Variants in S100A16 observed in about 807,000 individuals in gnomAD.
S100A16 encodes S100 calcium binding protein A16, also known as protein S100-A16.
Under a neutral mutation model 9.0 loss-of-function variants are expected in S100A16, and 8 were observed. The ratio of observed to expected loss-of-function variants is 0.89; its 90% CI spans 0.52 to 1.60. S100A16 has a LOEUF of 1.60. Among genes scored for constraint, S100A16 ranks in the 40% most tolerant of loss-of-function variants. The pLI, the probability that S100A16 is intolerant of heterozygous loss-of-function variation, is 0.00. For synonymous variants in S100A16, 51 were observed against 51.4 expected (o/e 0.99, Z 0.04); for missense variants, 138 against 132.4 (o/e 1.04, Z -0.21).
Position 153,606,954 on chromosome 1 carries a change from C to G in S100A16, c.*580G>C, listed in dbSNP as rs758117933. On this transcript the variant is annotated 3_prime_UTR_variant, in exon 3 of 3. Coordinates refer to ENST00000368706, the MANE Select transcript of S100A16 (RefSeq NM_080388.3). ...CAGGGGATACAAACTCCAAATCCAG[C>G]CTTTATATCATCATTATTTCAAGCA... 1 of 241,744 alleles carries G rather than the reference C, an allele frequency of 4.1e-6. No individual in the cohort carries two copies. Among genetic ancestry groups the G allele is most frequent in the Non-Finnish European group, 8.4e-6 (1 of 118,522 alleles). The allele number at this position is 241,744 out of a possible 1,614,324, so 15.0% of individuals were successfully genotyped here. A position where few individuals can be genotyped will look rare whatever the true frequency, so the allele number is the denominator to read the frequency against.
In S100A16 at chr1:153,608,047, C is replaced by T; in HGVS notation, c.105G>A (p.Lys35=). 1 of 1,614,104 alleles carries T rather than the reference C, an allele frequency of 6.2e-7. No homozygotes were observed. Among genetic ancestry groups the T allele is most frequent in the East Asian group, 2.2e-5 (1 of 44,880 alleles). Residue 35 remains lysine (K), a synonymous_variant, in exon 2 of 3, where the codon AAG becomes AAA. Transcript: ENST00000368706. The part of the protein sequence containing the change: ...KYSLVKNKIS[K]SSFREMLQKE... Reference sequence around the variant, plus strand: ...TCTGGAGCATCTCGCGGAAGCTGCTCTTGCTGATCTTGTTCTTGACCAGGC... The same window carrying T: ...TCTGGAGCATCTCGCGGAAGCTGCTTTTGCTGATCTTGTTCTTGACCAGGC...
chr1:153,607,424 G>A lies in S100A16; in HGVS notation c.*110C>T. On this transcript the variant is annotated 3_prime_UTR_variant, in exon 3 of 3. Transcript: ENST00000368706. Reference sequence around the variant, plus strand: ...CAAGGGTCAGAGGAAGGTCTGGAGGGAGAAGAGAGTAAAGGGCCCTGGGTG... The same window carrying A: ...CAAGGGTCAGAGGAAGGTCTGGAGGAAGAAGAGAGTAAAGGGCCCTGGGTG... The A allele has an allele frequency of 7.8e-7, 1 of 1,285,842 alleles. No individual in the cohort carries two copies. The highest frequency in any genetic ancestry group is 1.1e-6 in the Non-Finnish European group (1 of 903,812). The allele number at this position is 1,285,842 out of a possible 1,614,324, so 79.7% of individuals were successfully genotyped here. A position where few individuals can be genotyped will look rare whatever the true frequency, so the allele number is the denominator to read the frequency against.
In S100A16 at chr1:153,607,329, C is replaced by T. The variant is rs946908835; in HGVS notation, c.*205G>A. On this transcript the variant is annotated 3_prime_UTR_variant, in exon 3 of 3. Transcript: ENST00000368706. The stretch of plus-strand genomic sequence containing the variant: ...GAGGGGCCCCAAGGGCCTGCGACTC[C>T]AGGAGCTGAGACCCCCCAGGGAGGG... 11 of 646,562 alleles carry T rather than the reference C, an allele frequency of 1.7e-5. No homozygotes were observed. The highest frequency in any genetic ancestry group is 4.0e-5 in the South Asian group (2 of 50,154). The allele number at this position is 646,562 out of a possible 1,614,324, so 40.1% of individuals were successfully genotyped here.
At position 153,608,085 on chromosome 1, in the gene S100A16, C is replaced by T; in HGVS notation, c.67G>A (p.Val23Met). 6.2e-7 allele frequency: 1 copy of T among 1,614,068 alleles called. No homozygotes were observed. Among genetic ancestry groups the T allele is most frequent in the Non-Finnish European group, 8.5e-7 (1 of 1,179,952 alleles). ...TTCTTGACCAGGCTGTACTTAGACA[C>T]ATATTTGTAGAAGTTTTCCACCAGG... ...IVLVENFYKY[V>M]SKYSLVKNKI... The change falls in exon 2 of 3, where the codon GTG becomes ATG. Residue 23 changes from valine to methionine, a missense_variant. Physicochemically the swap from Val to Met is conservative, Grantham distance 21. Coordinates refer to ENST00000368706, the MANE Select transcript of S100A16 (RefSeq NM_080388.3).
intron 1 of S100A16, among the ~76,000 whole-genome samples, chr1:153,608,684 C>G (rs1239485564): frequency 6.6e-6 from 1 of 152,218 alleles, no homozygotes; most frequent in East Asian, 1.9e-4. Context: ...AAGATGTAGG[C>G]CTTCCCCAAT....
At chr1:153,611,917 T>TCACACACACACA (rs55729519) in intron 1 of S100A16, among the ~76,000 whole-genome samples, 3,656 of 140,788 alleles carry the variant, frequency 0.026, 89 homozygotes, top group East Asian at 0.063. Context: ...TGTCTCTCTC[T>TCACACACACACA]CACACACACA....
chr1:153,612,695 G>A (rs1230651707), intron 1 of S100A16, among the ~76,000 whole-genome samples: 4 of 152,078 alleles, frequency 2.6e-5, no homozygotes, highest in African/African-American at 7.2e-5. Context: ...GAGGAGCTCC[G>A]TCAGCTGCTG....
chr1:153,609,348 T>G (rs1236630651), intron 1 of S100A16: 2 of 986,030 alleles, frequency 2.0e-6, no homozygotes, highest in Non-Finnish European at 1.2e-6. Context: ...CCTACTCCCA[T>G]GCCGGCTGCC....
At chr1:153,612,540 T>C in intron 1 of S100A16, among the ~76,000 whole-genome samples, 1 of 151,780 alleles carries the variant, frequency 6.6e-6, no homozygotes, top group Non-Finnish European at 1.5e-5. Context: ...CCCCATCACC[T>C]CCCCTAGGAC....
intron 1 of S100A16, among the ~76,000 whole-genome samples, chr1:153,611,908 G>GTC (rs756157977): frequency 0.033 from 3,477 of 104,764 alleles, 66 homozygotes; most frequent in Non-Finnish European, 0.044. Flanking sequence ...AACTCTCTTT[G>GTC]TCTCTCTCTC....
At chr1:153,608,233 C>T (rs1334295696) in intron 1 of S100A16, 56 bp from the exon 2 acceptor site, 1 of 1,474,392 alleles carries the variant, frequency 6.8e-7, no homozygotes, top group East Asian at 2.3e-5. Context: ...ATACCTCCTC[C>T]TCCTCCACAC....
intron 1 of S100A16, among the ~76,000 whole-genome samples, chr1:153,611,419 G>A (rs2101515774): frequency 6.6e-6 from 1 of 151,978 alleles, no homozygotes; most frequent in East Asian, 1.9e-4. Context: ...TGTGTCCCTA[G>A]ACTCCTGTCC....
intron 1 of S100A16, chr1:153,609,182 C>T (rs1373199186): frequency 4.9e-5 from 48 of 985,368 alleles, no homozygotes; most frequent in South Asian, 2.8e-4. Flanking sequence ...CCTCACCCGG[C>T]GGGTCCTGGT....
Position 153,606,897 on chromosome 1 carries a change from T to A in S100A16, c.*637A>T. 5.7e-6 allele frequency: 1 copy of A among 174,918 alleles called. No individual in the cohort carries two copies. Among genetic ancestry groups the A allele is most frequent in the Non-Finnish European group, 1.2e-5 (1 of 82,626 alleles). The allele number at this position is 174,918 out of a possible 1,614,324, so 10.8% of individuals were successfully genotyped here. A position where few individuals can be genotyped will look rare whatever the true frequency, so the allele number is the denominator to read the frequency against. ...CAAAGCATAAAACGTTTCCAAGGAG[T>A]GGGAAGGTTTTAATGAGCATCCCAG... On this transcript the variant is annotated 3_prime_UTR_variant, in exon 3 of 3. Coordinates refer to ENST00000368706, the MANE Select transcript of S100A16 (RefSeq NM_080388.3).
intron 1 of S100A16, chr1:153,608,775 A>G: frequency 6.7e-6 from 2 of 300,108 alleles, no homozygotes; most frequent in Non-Finnish European, 9.8e-6. Context: ...GTCCAGATCA[A>G]TTGGATCAGA....
intron 1 of S100A16, among the ~76,000 whole-genome samples, chr1:153,608,500 G>A (rs1666755949): frequency 6.6e-6 from 1 of 152,202 alleles, no homozygotes; most frequent in African/African-American, 2.4e-5. Flanking sequence ...AGGCTCTCAT[G>A]GGAAGAGAAG....
chr1:153,607,550 T>G lies in S100A16; in HGVS notation c.296A>C (p.Gln99Pro). 2 of 1,614,228 alleles carry G rather than the reference T, an allele frequency of 1.2e-6. No homozygotes were observed. Among genetic ancestry groups the G allele is most frequent in the Non-Finnish European group, 1.7e-6 (2 of 1,180,030 alleles). ...PIAKLIHEQE[Q>P]QSSS ...AAGGGGTCTCTAGCTGCTGCTCTGC[T>G]GCTCCTGCTCATGGATGAGTTTGGC... Residue 99 changes from glutamine (Q) to proline (P), a missense_variant, in exon 3 of 3, where the codon CAG (glutamine) becomes CCG (proline). By Grantham distance (76) the Gln-to-Pro change is moderately conservative. Transcript: ENST00000368706.
chr1:153,608,884 C>A (rs1181631100), intron 1 of S100A16: 3 of 982,300 alleles, frequency 3.1e-6, no homozygotes, highest in Non-Finnish European at 3.6e-6. Context: ...AACACCCCCA[C>A]CCACACATCG....
At chr1:153,609,562 A>G (rs772152523) in intron 1 of S100A16, among the ~76,000 whole-genome samples, 2 of 152,180 alleles carry the variant, frequency 1.3e-5, no homozygotes, top group African/African-American at 2.4e-5. Context: ...GTTCCTTGAG[A>G]CAAGCATAGT....
Sources: gnomAD v4.1 joint callset for allele counts (sites outside exome capture counted in the v4.1 genomes callset) on GRCh38, gnomAD v4.1.1 for gene constraint, MANE v1.5 for transcripts, NCBI Gene and HGNC (gene_info 2026-07-23, HGNC 2026-07-21) for gene names.